Variants in ADAMTS20 observed in about 807,000 individuals in gnomAD.
ADAMTS20 encodes the protein ADAM metallopeptidase with thrombospondin type 1 motif 20.
ADAMTS20 carries 225 observed loss-of-function variants against 260.1 expected under a neutral mutation model. That is an observed-to-expected ratio of 0.87 (90% CI 0.78 to 0.97). ADAMTS20 has a LOEUF of 0.97. Among genes scored for constraint, ADAMTS20 ranks in the 50% least tolerant of loss-of-function variants. The probability of loss-of-function intolerance (pLI) is 0.00; values close to 1 mark genes in which losing one functional copy is unlikely to be tolerated. For missense variants in ADAMTS20, 2,400 were observed against 2,337.7 expected (o/e 1.03, Z -0.55); for synonymous variants, 802 against 769.5 (o/e 1.04, Z -0.70).
At chr12:43,547,785 C>G (rs576895237) in intron 2 of ADAMTS20, among the ~76,000 whole-genome samples, 1 of 152,138 alleles carries the variant, frequency 6.6e-6, no homozygotes, top group Non-Finnish European at 1.5e-5. Flanking sequence ...GAGGGATATA[C>G]AGCACTAGTG....
intron 29 of ADAMTS20, among the ~76,000 whole-genome samples, chr12:43,392,409 G>A (rs1940614747): frequency 6.6e-6 from 1 of 151,904 alleles, no homozygotes. Flanking sequence ...CTTAATTATT[G>A]GTCCTTTGAT....
At chr12:43,514,681 C>CAGATTT (rs1365800371) in intron 3 of ADAMTS20, among the ~76,000 whole-genome samples, 1 of 147,766 alleles carries the variant, frequency 6.8e-6, no homozygotes, top group East Asian at 2.1e-4. Flanking sequence ...ATCCTAATGT[C>CAGATTT]AGATTTAGAT....
At chr12:43,432,863 C>T in intron 19 of ADAMTS20, 52 bp from the exon 20 acceptor site, 1 of 1,459,532 alleles carries the variant, frequency 6.9e-7, no homozygotes. Context: ...AATTTAAAAA[C>T]AGATTCAGAG....
In ADAMTS20 at chr12:43,375,425, A is replaced by T. The variant is rs10506226; in HGVS notation, c.5400T>A (p.Thr1800=). The change falls in exon 36 of 39, where the codon ACT becomes ACA. Residue 1800 remains threonine, a synonymous_variant. Transcript: ENST00000389420. Reference sequence around the variant, plus strand: ...GATCAATTCTTATTTTGCTGAAAACAGTGTATCCAGCAGCTAAGTGTCCAT... The same window carrying T: ...GATCAATTCTTATTTTGCTGAAAACTGTGTATCCAGCAGCTAAGTGTCCAT... ...CDNGHLAAGY[T]VFSKIRIDLT... 5 of 1,613,368 alleles carry T rather than the reference A, an allele frequency of 3.1e-6. No individual in the cohort carries two copies. The highest frequency in any genetic ancestry group is 4.2e-6 in the Non-Finnish European group (5 of 1,179,596).
At chr12:43,456,677 G>A (rs1941969512) in intron 11 of ADAMTS20, among the ~76,000 whole-genome samples, 1 of 152,158 alleles carries the variant, frequency 6.6e-6, no homozygotes, top group Non-Finnish European at 1.5e-5. Flanking sequence ...ACAGGGCAGG[G>A]GCAGGAGTTC....
chr12:43,456,078 G>A (rs1941959456), intron 11 of ADAMTS20, among the ~76,000 whole-genome samples: 1 of 152,140 alleles, frequency 6.6e-6, no homozygotes, highest in East Asian at 1.9e-4. Context: ...TAATAATTTT[G>A]TGAGGAATGG....
At chr12:43,522,969 T>C (rs1760985424) in intron 3 of ADAMTS20, among the ~76,000 whole-genome samples, 1 of 152,212 alleles carries the variant, frequency 6.6e-6, no homozygotes, top group African/African-American at 2.4e-5. Context: ...ATTAAAACTA[T>C]CAACAGAAAT....
intron 28 of ADAMTS20, among the ~76,000 whole-genome samples, chr12:43,413,022 G>C (rs1250045490): frequency 2.0e-5 from 3 of 151,882 alleles, no homozygotes; most frequent in Non-Finnish European, 4.4e-5. Context: ...TGTTGGCCAA[G>C]AAGGTCTCGA....
chr12:43,506,503 G>A (rs1942844278), intron 3 of ADAMTS20, among the ~76,000 whole-genome samples: 1 of 150,954 alleles, frequency 6.6e-6, no homozygotes, highest in Non-Finnish European at 1.5e-5. Flanking sequence ...TTCTTTTTGA[G>A]GCAGAGTCTC....
chr12:43,485,766 T>C (rs1341508456), intron 7 of ADAMTS20, among the ~76,000 whole-genome samples: 1 of 152,104 alleles, frequency 6.6e-6, no homozygotes, highest in Non-Finnish European at 1.5e-5. Flanking sequence ...ATCACTGCTA[T>C]ACACCAAAAA....
rs538753207 is a variant in ADAMTS20, at chr12:43,454,198, G to A, written c.1615-146C>T. Reference sequence around the variant, plus strand: ...TATTAATTCAGATTACATTTGAAATGATTTTATGAATATTTCCTACCTACT... The same window carrying A: ...TATTAATTCAGATTACATTTGAAATAATTTTATGAATATTTCCTACCTACT... On this transcript the variant is annotated intron_variant, in intron 11 of 38. Transcript: ENST00000389420. The A allele has an allele frequency of 1.7e-5, 16 of 921,592 alleles. No individual in the cohort carries two copies. The South Asian group carries it at 3.3e-4, about 19-fold the overall frequency. The allele number at this position is 921,592 out of a possible 1,614,324, so 57.1% of individuals were successfully genotyped here. A position where few individuals can be genotyped will look rare whatever the true frequency, so the allele number is the denominator to read the frequency against.
At chr12:43,420,022 T>A (rs972308507) in intron 28 of ADAMTS20, among the ~76,000 whole-genome samples, 1 of 152,206 alleles carries the variant, frequency 6.6e-6, no homozygotes, top group Non-Finnish European at 1.5e-5. Context: ...CTTGCCAGGT[T>A]ATGACAGAAT....
intron 4 of ADAMTS20, among the ~76,000 whole-genome samples, chr12:43,499,630 G>A (rs530301345): frequency 2.0e-4 from 30 of 151,056 alleles, no homozygotes; most frequent in Non-Finnish European, 4.1e-4. Context: ...TCAGCCTCCC[G>A]AGTAGCTGGG....
chr12:43,396,207 TA>T (rs958899694), intron 29 of ADAMTS20, among the ~76,000 whole-genome samples: 14 of 150,848 alleles, frequency 9.3e-5, no homozygotes, highest in East Asian at 1.9e-4. Context: ...ATCCTTTCGT[TA>T]AAAAAAAAGA....
chr12:43,397,918 C>T (rs781595885), intron 29 of ADAMTS20, among the ~76,000 whole-genome samples: 5 of 152,168 alleles, frequency 3.3e-5, no homozygotes, highest in Non-Finnish European at 7.3e-5. Context: ...CAGTGAGGCA[C>T]TGACATAATT....
intron 38 of ADAMTS20, 111 bp from the exon 39 acceptor site, chr12:43,354,409 G>A (rs1254938592): frequency 2.8e-6 from 2 of 726,476 alleles, no homozygotes; most frequent in Non-Finnish European, 4.5e-6. Context: ...ATTAGCAGAG[G>A]TTTCCTATAA....
chr12:43,486,496 A>C (rs1942524866), intron 7 of ADAMTS20, among the ~76,000 whole-genome samples: 1 of 152,082 alleles, frequency 6.6e-6, no homozygotes, highest in Admixed American at 6.6e-5. Flanking sequence ...CCTAGGAAAA[A>C]CTCTTCTGGA....
At chr12:43,546,704 T>C (rs1467386621) in intron 2 of ADAMTS20, among the ~76,000 whole-genome samples, 2 of 152,196 alleles carry the variant, frequency 1.3e-5, no homozygotes, top group African/African-American at 4.8e-5. Context: ...TGTTATGAGA[T>C]AGCCTATCAA....
intron 14 of ADAMTS20, among the ~76,000 whole-genome samples, chr12:43,451,428 G>A (rs972022403): frequency 6.6e-6 from 1 of 151,826 alleles, no homozygotes; most frequent in African/African-American, 2.4e-5. Flanking sequence ...ATTCCAATAT[G>A]CAAATCGAAT....
Sources: allele counts gnomAD v4.1 joint callset (sites outside exome capture counted in the v4.1 genomes callset), GRCh38; gene constraint gnomAD v4.1.1; transcripts MANE v1.5; gene names NCBI Gene and HGNC (gene_info 2026-07-23, HGNC 2026-07-21).